The following APBB2 variants were observed in gnomAD, a reference collection of about 807,000 sequenced individuals.
APBB2 encodes amyloid beta precursor protein binding family B member 2, also known as Fe65-like 1.
A neutral mutation model predicts 82.5 loss-of-function variants in APBB2; 38 were observed. That is an observed-to-expected ratio of 0.46 (90% CI 0.36 to 0.60). The LOEUF (loss-of-function observed/expected upper bound fraction) is 0.60. Among genes scored for constraint, APBB2 ranks in the 20% least tolerant of loss-of-function variants. APBB2 has a pLI of 0.00. For missense variants in APBB2, 772 were observed against 972.3 expected (o/e 0.79, Z 2.74); for synonymous variants, 341 against 368.2 (o/e 0.93, Z 0.85).
intron 15 of APBB2, chr4:40,825,612 T>C (rs1749652369): frequency 5.3e-6 from 2 of 375,540 alleles, no homozygotes; most frequent in East Asian, 5.8e-5. Context: ...CGGCCCTGAG[T>C]CACACAGCTC....
chr4:40,949,251 AGAGTGAGACT>A (rs1329705360), intron 6 of APBB2, among the ~76,000 whole-genome samples: 1 of 79,956 alleles, frequency 1.3e-5, no homozygotes, highest in Non-Finnish European at 3.2e-5. Context: ...TCTGGGCAAC[AGAGTGAGACT>A]GTCTCAAAAA....
At chr4:40,953,737 T>C (rs979940251) in intron 6 of APBB2, among the ~76,000 whole-genome samples, 10 of 152,326 alleles carry the variant, frequency 6.6e-5, no homozygotes, top group African/African-American at 2.2e-4. Context: ...CCTTCCCTCC[T>C]TTCTAGTCTC....
intron 6 of APBB2, among the ~76,000 whole-genome samples, chr4:40,964,551 A>C (rs868002505): frequency 6.6e-6 from 1 of 152,128 alleles, no homozygotes; most frequent in African/African-American, 2.4e-5. Context: ...GTTCAATTAG[A>C]GGAATGTGCG....
At chr4:41,025,294 G>A (rs772782481) in intron 5 of APBB2, among the ~76,000 whole-genome samples, 13 of 152,018 alleles carry the variant, frequency 8.6e-5, no homozygotes, top group Non-Finnish European at 1.6e-4. Context: ...GCTCAATACC[G>A]CTGATCATTA....
intron 6 of APBB2, among the ~76,000 whole-genome samples, chr4:40,997,982 A>G (rs1452065793): frequency 6.6e-6 from 1 of 152,222 alleles, no homozygotes; most frequent in Non-Finnish European, 1.5e-5. Flanking sequence ...ACAATACCTC[A>G]TTTACGTGAA....
At chr4:41,036,502 A>G (rs1004081040) in intron 4 of APBB2, among the ~76,000 whole-genome samples, 4 of 152,170 alleles carry the variant, frequency 2.6e-5, no homozygotes, top group African/African-American at 9.7e-5. Flanking sequence ...GGAGCAGGGG[A>G]TACTTTAGTG....
chr4:40,930,466 CGTGCGCGTGCGCGTAT>C (rs1375850770), intron 10 of APBB2, among the ~76,000 whole-genome samples: 1 of 132,626 alleles, frequency 7.5e-6, no homozygotes, highest in Non-Finnish European at 1.6e-5. Context: ...CGCGCGCGCG[CGTGCGCGTGCGCGTAT>C]GCGTGTGTAT....
At chr4:40,980,180 G>A (rs887149545) in intron 6 of APBB2, among the ~76,000 whole-genome samples, 4 of 152,066 alleles carry the variant, frequency 2.6e-5, no homozygotes, top group Non-Finnish European at 4.4e-5. Context: ...ACGCTGCCAC[G>A]CCTGGCTGAC....
intron 1 of APBB2, among the ~76,000 whole-genome samples, chr4:41,176,716 A>G (rs1769883592): frequency 2.0e-5 from 3 of 152,176 alleles, no homozygotes; most frequent in Non-Finnish European, 2.9e-5. Flanking sequence ...AAGTTTTAAG[A>G]AAAAGAAGCA....
chr4:40,885,136 G>A (rs574247422), intron 12 of APBB2, among the ~76,000 whole-genome samples: 4 of 152,332 alleles, frequency 2.6e-5, no homozygotes, highest in Non-Finnish European at 4.4e-5. Context: ...CATCATGACT[G>A]TTGATGGTTG....
At chr4:40,971,603 C>T (rs1317775741) in intron 6 of APBB2, among the ~76,000 whole-genome samples, 1 of 152,062 alleles carries the variant, frequency 6.6e-6, no homozygotes, top group Non-Finnish European at 1.5e-5. Flanking sequence ...TTCCCAGAAA[C>T]GTTTTCCTTA....
chr4:41,202,903 A>C (rs1777042966), intron 1 of APBB2, among the ~76,000 whole-genome samples: 1 of 152,244 alleles, frequency 6.6e-6, no homozygotes, highest in African/African-American at 2.4e-5. Flanking sequence ...ATGTTCGTAT[A>C]AAAATCATTT....
chr4:40,959,622 A>G (rs1792552740), intron 6 of APBB2, among the ~76,000 whole-genome samples: 1 of 152,228 alleles, frequency 6.6e-6, no homozygotes, highest in African/African-American at 2.4e-5. Context: ...GTATTCAATG[A>G]CAATTTGGCC....
intron 4 of APBB2, among the ~76,000 whole-genome samples, chr4:41,042,574 C>T (rs1038208796): frequency 6.6e-6 from 1 of 152,130 alleles, no homozygotes; most frequent in African/African-American, 2.4e-5. Context: ...TTTCTGCTCC[C>T]CTGAAAAAGA....
chr4:41,212,477 C>A (rs543909435), intron 1 of APBB2, among the ~76,000 whole-genome samples: 36 of 152,262 alleles, frequency 2.4e-4, no homozygotes, highest in African/African-American at 8.4e-4. Flanking sequence ...TTTTCAATTA[C>A]CACTTTATAA....
In APBB2 at chr4:41,125,214, AGATT is replaced by A. The variant is rs1333925359; in HGVS notation, c.-261+17769_-261+17772del. Among the ~76,000 whole-genome samples, 6 of 152,240 alleles carry A rather than the reference AGATT, an allele frequency of 3.9e-5. No homozygotes were observed. The South Asian group carries it at 8.3e-4, about 21-fold the overall frequency. On this transcript the variant is annotated intron_variant, in intron 2 of 17. Transcript: ENST00000508593. ...ATGTTATTTCATAACTTAAAGCACAAGATTTTAAATTTCACTCAATTATAATAGT... is the reference window on the plus strand; with the variant it reads ...ATGTTATTTCATAACTTAAAGCACAATTAAATTTCACTCAATTATAATAGT...
intron 6 of APBB2, among the ~76,000 whole-genome samples, chr4:40,946,276 G>T (rs1427597304): frequency 7.0e-6 from 1 of 142,350 alleles, no homozygotes; most frequent in African/African-American, 2.6e-5. Context: ...AAAGCAGATT[G>T]GAAAAGCCTC....
intron 4 of APBB2, among the ~76,000 whole-genome samples, chr4:41,042,446 G>T (rs931209732): frequency 6.6e-6 from 1 of 152,178 alleles, no homozygotes; most frequent in African/African-American, 2.4e-5. Flanking sequence ...CTGCATCCTT[G>T]CCCTCTACTC....
intron 12 of APBB2, among the ~76,000 whole-genome samples, chr4:40,855,404 T>C (rs1292235677): frequency 6.6e-6 from 1 of 152,140 alleles, no homozygotes; most frequent in Non-Finnish European, 1.5e-5. Flanking sequence ...GTGGCGGCTG[T>C]TAGAAAAGTG....
Sources: gnomAD v4.1 joint callset for allele counts (sites outside exome capture counted in the v4.1 genomes callset) on GRCh38, gnomAD v4.1.1 for gene constraint, MANE v1.5 for transcripts, NCBI Gene and HGNC (gene_info 2026-07-23, HGNC 2026-07-21) for gene names.